PIAS1: variants seen among roughly 807,000 people sequenced by gnomAD.
The protein encoded by PIAS1 is E3 SUMO-protein ligase PIAS1.
In PIAS1, 6 loss-of-function variants were observed where a neutral mutation model predicts 71.3. The observed-to-expected ratio is 0.08, with a 90% CI of 0.05 to 0.17. PIAS1 has a LOEUF of 0.17. Among genes scored for constraint, PIAS1 ranks in the 10% least tolerant of loss-of-function variants. PIAS1 has a pLI of 1.00. For synonymous variants in PIAS1, 303 were observed against 292.9 expected, an observed-to-expected ratio of 1.03 and a Z score of -0.35; for missense variants, 555 against 793.6, an observed-to-expected ratio of 0.70 and a Z score of 3.61.
At chr15:68,168,833 T>G (rs2092973056) in intron 8 of PIAS1, among the ~76,000 whole-genome samples, 1 of 152,230 alleles carries the variant, frequency 6.6e-6, no homozygotes, top group Non-Finnish European at 1.5e-5. Flanking sequence ...CAGCGTTCCT[T>G]AAAAACTCTG....
At chr15:68,146,002 A>G in intron 5 of PIAS1, 96 bp downstream of exon 5, 1 of 789,334 alleles carries the variant, frequency 1.3e-6, no homozygotes, top group Non-Finnish European at 2.2e-6. Flanking sequence ...TCCTTAAGAA[A>G]ACATTTTTAT....
chr15:68,146,889 G>T (rs1567063276), intron 6 of PIAS1, among the ~76,000 whole-genome samples, 189 bp downstream of exon 6: 3 of 151,986 alleles, frequency 2.0e-5, no homozygotes, highest in South Asian at 4.2e-4. Flanking sequence ...TTATAACCTG[G>T]CCCTTTTACT....
chr15:68,192,985 T>TA lies in PIAS1; in HGVS notation c.*5152dup, dbSNP rs1270381012. 4 of 152,328 alleles carry TA rather than the reference T, an allele frequency of 2.6e-5. No individual in the cohort carries two copies. The highest frequency in any genetic ancestry group is 9.6e-5 in the African/African-American group (4 of 41,452). The allele number at this position is 152,328 out of a possible 1,614,324, so 9.4% of individuals were successfully genotyped here. On this transcript the variant is annotated 3_prime_UTR_variant, in exon 14 of 14. Transcript: ENST00000249636. ...ACCAACCTGGCACCTTCTAGCTGTG[T>TA]AACTCACTCAAAGCCACTCCAGCTG...
chr15:68,170,151 A>C (rs764784946), intron 8 of PIAS1, among the ~76,000 whole-genome samples: 5 of 152,212 alleles, frequency 3.3e-5, no homozygotes, highest in Admixed American at 1.3e-4. Context: ...TGTTTCTAGT[A>C]GGAGGAGACA....
At chr15:68,064,935 G>A (rs2092000701) in intron 1 of PIAS1, among the ~76,000 whole-genome samples, 1 of 152,004 alleles carries the variant, frequency 6.6e-6, no homozygotes, top group African/African-American at 2.4e-5. Flanking sequence ...TTTTTGAGAT[G>A]GGCTTTGCCA....
chr15:68,187,560 C>A lies in PIAS1; in HGVS notation c.1681C>A (p.Leu561Ile), dbSNP rs1283228253. 2 of 1,613,682 alleles carry A rather than the reference C, an allele frequency of 1.2e-6. No individual in the cohort carries two copies. The highest frequency in any genetic ancestry group is 1.7e-6 in the Non-Finnish European group (2 of 1,179,620). Residue 561 changes from leucine (L) to isoleucine (I), a missense_variant, in exon 14 of 14, where the codon CTT becomes ATT. Leu to Ile is a conservative substitution (Grantham distance 5). This residue lies in a region of PIAS1 where 244 missense variants were observed against 307.5 expected (regional missense o/e 0.79). Coordinates refer to ENST00000249636, the MANE Select transcript of PIAS1 (RefSeq NM_016166.3). This position sits in a 1 kb window ranked among gnomAD's most constrained non-coding sequence, Gnocchi z 5.3. ...GDNQHYNTSL[L>I]AAAAAAVSDD... Reference sequence around the variant, plus strand: ...TCCCTAGCATTACAACACCTCCTTGCTTGCCGCTGCAGCAGCAGCAGTTTC... The same window carrying A: ...TCCCTAGCATTACAACACCTCCTTGATTGCCGCTGCAGCAGCAGCAGTTTC...
chr15:68,065,626 C>G (rs1185815616), intron 1 of PIAS1, among the ~76,000 whole-genome samples: 1 of 150,582 alleles, frequency 6.6e-6, no homozygotes, highest in Non-Finnish European at 1.5e-5. Flanking sequence ...TTCTAGTGAT[C>G]TCTTACAAGG....
Position 68,193,621 on chromosome 15 carries a change from A to G in PIAS1, c.*5786A>G, listed in dbSNP as rs775085426. 1 of 182,824 alleles carries G rather than the reference A, an allele frequency of 5.5e-6. No individual in the cohort carries two copies. The highest frequency in any genetic ancestry group is 1.2e-5 in the Non-Finnish European group (1 of 86,882). 11.3% of individuals were successfully genotyped at this position (182,824 alleles called of 1,614,324 possible). The stretch of plus-strand genomic sequence containing the variant: ...AGATTGCCCTTAAGTCATCAGCTCA[A>G]TCCTTCCTCAACAGGCTCCATGAGG... On this transcript the variant is annotated 3_prime_UTR_variant, in exon 14 of 14. Coordinates refer to ENST00000249636, the MANE Select transcript of PIAS1 (RefSeq NM_016166.3).
At chr15:68,130,608 T>A (rs1044107556) in intron 2 of PIAS1, among the ~76,000 whole-genome samples, 1 of 151,196 alleles carries the variant, frequency 6.6e-6, no homozygotes, top group African/African-American at 2.4e-5. Context: ...TACAAAATGT[T>A]CTCAGTTATT....
At chr15:68,125,064 A>G (rs1296447295) in intron 2 of PIAS1, among the ~76,000 whole-genome samples, 1 of 152,178 alleles carries the variant, frequency 6.6e-6, no homozygotes, top group African/African-American at 2.4e-5. Flanking sequence ...TATTATGACT[A>G]TGTAAACACT....
At chr15:68,168,948 AT>A (rs1376786509) in intron 8 of PIAS1, among the ~76,000 whole-genome samples, 3 of 152,212 alleles carry the variant, frequency 2.0e-5, no homozygotes, top group Non-Finnish European at 4.4e-5. Flanking sequence ...GGTATGTGAG[AT>A]GAAGGCCTTT....
rs1009453943 is a variant in PIAS1, at chr15:68,054,428, C to A, written c.24+78C>A. 6.9e-6 allele frequency: 10 copies of A among 1,445,818 alleles called. No homozygotes were observed. Among genetic ancestry groups the A allele is most frequent in the East Asian group, 2.5e-5 (1 of 39,736 alleles). 89.6% of individuals were successfully genotyped at this position (1,445,818 alleles called of 1,614,324 possible). On this transcript the variant is annotated intron_variant, in intron 1 of 13. Coordinates refer to ENST00000249636, the MANE Select transcript of PIAS1 (RefSeq NM_016166.3). This position sits in a 1 kb window ranked among gnomAD's most constrained non-coding sequence, Gnocchi z 4.6. ...CTGCTGCCAGGGGGGATGGGTCCGA[C>A]CCTGGGGGGCCTCTCGGGCCTGACT...
chr15:68,129,973 TTTTAA>T (rs1340489467), intron 2 of PIAS1, among the ~76,000 whole-genome samples: 4 of 152,020 alleles, frequency 2.6e-5, no homozygotes, highest in Non-Finnish European at 2.9e-5. Flanking sequence ...TCTCTTGTGG[TTTTAA>T]TTTTTGTTTT....
At chr15:68,160,476 C>T (rs2141072305) in intron 7 of PIAS1, among the ~76,000 whole-genome samples, 1 of 152,206 alleles carries the variant, frequency 6.6e-6, no homozygotes, top group African/African-American at 2.4e-5. Flanking sequence ...GTATGTCTAT[C>T]CTTATGCCAA....
intron 2 of PIAS1, among the ~76,000 whole-genome samples, chr15:68,126,763 G>A (rs1423860006): frequency 6.6e-5 from 10 of 150,542 alleles, no homozygotes; most frequent in African/African-American, 2.4e-4. Context: ...GGTTATAAAT[G>A]GTAGCTTTTT....
chr15:68,171,796 C>T lies in PIAS1; in HGVS notation c.1009-1936C>T, dbSNP rs533480621. Among the ~76,000 whole-genome samples, 23 of 152,164 alleles carry T rather than the reference C, an allele frequency of 1.5e-4. No individual in the cohort carries two copies. The South Asian group carries it at 3.9e-3, about 26-fold the overall frequency. The stretch of plus-strand genomic sequence containing the variant: ...TGGGCCCCAAATGACAGTTAATTTC[C>T]TGGTAGACTAGGAAATTTCACATTT... On this transcript the variant is annotated intron_variant, in intron 8 of 13. Transcript: ENST00000249636. This position sits in a 1 kb window ranked among gnomAD's most constrained non-coding sequence, Gnocchi z 4.4.
At chr15:68,166,915 T>G (rs1249979529) in intron 8 of PIAS1, among the ~76,000 whole-genome samples, 1 of 152,214 alleles carries the variant, frequency 6.6e-6, no homozygotes, top group African/African-American at 2.4e-5. Flanking sequence ...AGCCTCCACC[T>G]CCCAGGTTCA....
At chr15:68,147,582 A>G (rs1156550154) in intron 6 of PIAS1, among the ~76,000 whole-genome samples, 1 of 152,116 alleles carries the variant, frequency 6.6e-6, no homozygotes, top group Non-Finnish European at 1.5e-5. Flanking sequence ...GTATAGCCAA[A>G]ACTTAACCAG....
At position 68,145,835 on chromosome 15, in the gene PIAS1, A is replaced by G; in HGVS notation, c.622A>G (p.Ser208Gly). ...GTTTAGGTTTTGTTTATCAGAAACC[A>G]GTTGTCCACAAGAAGATCACTTCCC... The part of the protein sequence containing the change: ...VQLRFCLSET[S>G]CPQEDHFPPN... Residue 208 changes from serine (S) to glycine (G), a missense_variant, in exon 5 of 14, where the codon AGT becomes GGT. Ser to Gly is a moderately conservative substitution (Grantham distance 56, BLOSUM62 0). Transcript: ENST00000249636. 6.2e-7 allele frequency: 1 copy of G among 1,609,052 alleles called. No homozygotes were observed. Among genetic ancestry groups the G allele is most frequent in the South Asian group, 1.1e-5 (1 of 90,974 alleles).
Sources: allele counts gnomAD v4.1 joint callset (sites outside exome capture counted in the v4.1 genomes callset), GRCh38; gene constraint gnomAD v4.1.1; regional missense constraint gnomAD v4.1.1; non-coding constraint Gnocchi (gnomAD v3.1); transcripts MANE v1.5; gene names NCBI Gene and HGNC (gene_info 2026-07-23, HGNC 2026-07-21).